NTRK1: variants seen among roughly 807,000 people sequenced by gnomAD.
The protein encoded by NTRK1 is high affinity nerve growth factor receptor.
Under a neutral mutation model 86.8 loss-of-function variants are expected in NTRK1, and 62 were observed. The ratio of observed to expected loss-of-function variants is 0.71; its 90% CI spans 0.58 to 0.88. The LOEUF (loss-of-function observed/expected upper bound fraction) is 0.88, where lower values mean the gene tolerates loss of function less well. NTRK1 is among the 40% of genes least tolerant of loss of function. NTRK1 has a pLI of 0.00. For missense variants in NTRK1, 967 were observed against 1,078.4 expected, an observed-to-expected ratio of 0.90 and a Z score of 1.45; for synonymous variants, 469 against 456.6, an observed-to-expected ratio of 1.03 and a Z score of -0.35.
rs780463953 is a variant in NTRK1 at position 156,844,690 on chromosome 1, GT to G, written c.50+2498del. The G allele has an allele frequency of 3.7e-6, 6 of 1,613,978 alleles. No individual in the cohort carries two copies. The African/African-American group carries it at 8.0e-5, about 22-fold the overall frequency. On this transcript the variant is annotated intron_variant, in intron 2 of 16. Coordinates refer to the NTRK1 transcript ENST00000392302. Reference sequence around the variant, plus strand: ...GGCACAAAACGGGGCTGGGACGGGGGTCCCACGGGCACCTACCTCTCCCAAG... The same window carrying G: ...GGCACAAAACGGGGCTGGGACGGGGGCCCACGGGCACCTACCTCTCCCAAG...
chr1:156,864,413 G>A lies in NTRK1; in HGVS notation c.272G>A (p.Gly91Glu), dbSNP rs1655828420. 1 of 1,614,120 alleles carries A rather than the reference G, an allele frequency of 6.2e-7. No individual in the cohort carries two copies. The highest frequency in any genetic ancestry group is 8.5e-7 in the Non-Finnish European group (1 of 1,180,010). ...GAGCTCCGTGATCTGAGGGGCCTGG[G>A]GGAGCTGAGAAACCTGTGAGGGAAA... is the stretch of plus-strand genomic sequence containing the variant. ...HLELRDLRGL[G>E]ELRNLTIVKS... The change falls in exon 2 of 17, where the codon GGG becomes GAG. Residue 91 changes from glycine to glutamate, a missense_variant. Gly to Glu is a moderately conservative substitution (Grantham distance 98). Around this residue, in one of 2 missense-constraint regions of NTRK1, gnomAD observed 330 missense variants for 302.0 expected, o/e 1.09. Transcript: ENST00000524377.
chr1:156,865,982 A>T (rs1175447632), intron 3 of NTRK1, among the ~76,000 whole-genome samples: 2 of 152,234 alleles, frequency 1.3e-5, no homozygotes, highest in Non-Finnish European at 2.9e-5. Flanking sequence ...TATGTCAATG[A>T]ATCTTCACAA....
At chr1:156,868,706 A>G (rs1405407088) in intron 6 of NTRK1, 59 bp downstream of exon 6, 3 of 1,541,914 alleles carry the variant, frequency 1.9e-6, no homozygotes, top group Non-Finnish European at 2.6e-6. Flanking sequence ...GGGGACAAAG[A>G]TGGGGAAAGA....
At chr1:156,846,833 C>T in intron 2 of NTRK1, 1 of 1,185,630 alleles carries the variant, frequency 8.4e-7, no homozygotes, top group Non-Finnish European at 1.2e-6. Flanking sequence ...CTGAATCACC[C>T]CAGGACTGTC....
intron 2 of NTRK1, chr1:156,851,533 G>C (rs1161984181): frequency 4.4e-6 from 7 of 1,600,092 alleles, no homozygotes; most frequent in Non-Finnish European, 6.0e-6. Flanking sequence ...GGGCCCTCAG[G>C]ACTGGGACCC....
At chr1:156,865,674 G>A (rs1655897113) in intron 3 of NTRK1, among the ~76,000 whole-genome samples, 1 of 152,164 alleles carries the variant, frequency 6.6e-6, no homozygotes, top group South Asian at 2.1e-4. Flanking sequence ...TGTGGCCTGG[G>A]AATTGGGGAC....
intron 1 of NTRK1, among the ~76,000 whole-genome samples, chr1:156,835,043 T>C (rs1654563439): frequency 6.6e-6 from 1 of 152,154 alleles, no homozygotes; most frequent in African/African-American, 2.4e-5. Context: ...TGAGCCACTA[T>C]AGGCAGAGGC....
In NTRK1 at chr1:156,874,973, AC is replaced by A; in HGVS notation, c.1320del (p.Asn440LysfsTer30). 6.2e-7 allele frequency: 1 copy of A among 1,613,946 alleles called. No homozygotes were observed. The highest frequency in any genetic ancestry group is 8.5e-7 in the Non-Finnish European group (1 of 1,179,938). On this transcript the variant is annotated frameshift_variant, in exon 11 of 17. Transcript: ENST00000524377. LOFTEE classifies it high-confidence loss of function. ...CTTTCTACGCTGCTCCTTGTGCTCA[AC>A]AAATGTGGACGGAGAAACAAGTTTG... Reference protein sequence around the residue: ...LFLSTLLLVLNKCGRRNKFGI... With the variant: ...LFLSTLLLVLXKCGRRNKFGI...
chr1:156,863,438 G>A (rs1308496655), intron 1 of NTRK1, among the ~76,000 whole-genome samples: 1 of 151,876 alleles, frequency 6.6e-6, no homozygotes, highest in Non-Finnish European at 1.5e-5. Context: ...CTCTTGCTGT[G>A]TAAGTCAGCC....
At chr1:156,846,434 C>A in intron 2 of NTRK1, 1 of 1,128,454 alleles carries the variant, frequency 8.9e-7, no homozygotes, top group East Asian at 2.5e-5. Context: ...TTCAGTGCCC[C>A]GGCTTCTCTA....
chr1:156,867,856 G>A (rs1431274280), intron 4 of NTRK1, among the ~76,000 whole-genome samples: 1 of 149,366 alleles, frequency 6.7e-6, no homozygotes, highest in Non-Finnish European at 1.5e-5. Context: ...TGCATTTTTA[G>A]TAGAGACGGG....
At chr1:156,853,614 T>C in intron 2 of NTRK1, 1 of 905,226 alleles carries the variant, frequency 1.1e-6, no homozygotes, top group Non-Finnish European at 1.7e-6. Flanking sequence ...TTAGTTTCCT[T>C]ACCTGCCTCA....
intron 1 of NTRK1, among the ~76,000 whole-genome samples, chr1:156,839,003 G>A (rs1654670532): frequency 6.6e-6 from 1 of 152,238 alleles, no homozygotes; most frequent in Non-Finnish European, 1.5e-5. Context: ...CAGAGACCCA[G>A]CAACAGAAGG....
intron 1 of NTRK1, among the ~76,000 whole-genome samples, chr1:156,833,213 T>C (rs773625291): frequency 3.8e-4 from 58 of 152,262 alleles, no homozygotes; most frequent in Non-Finnish European, 7.6e-4. Flanking sequence ...TTTCCTCATC[T>C]GTAAAATGTC....
chr1:156,874,434 T>C (rs1647766299), intron 9 of NTRK1, 34 bp downstream of exon 9: 2 of 1,614,026 alleles, frequency 1.2e-6, no homozygotes, highest in Admixed American at 1.7e-5. Context: ...AGGTTCTGCC[T>C]GGTCTCTGGA....
chr1:156,817,047 T>TCTCTCTCTCTCTCTCTCTC (rs1654008835), intron 1 of NTRK1, among the ~76,000 whole-genome samples: 18 of 113,858 alleles, frequency 1.6e-4, no homozygotes, highest in South Asian at 3.2e-4. Context: ...GAACTTCCCT[T>TCTCTCTCTCTCTCTCTCTC]TCTCTCTCTC....
At chr1:156,878,808 A>G (rs1571702137) in intron 14 of NTRK1, among the ~76,000 whole-genome samples, 1 of 152,238 alleles carries the variant, frequency 6.6e-6, no homozygotes, top group South Asian at 2.1e-4. Context: ...TCCAATTGGC[A>G]AGGGCTGAGT....
At chr1:156,816,755 T>C in intron 1 of NTRK1, 1 of 1,538,778 alleles carries the variant, frequency 6.5e-7, no homozygotes, top group Non-Finnish European at 8.8e-7. Context: ...GTGTATGTGT[T>C]CCGGAAAGGT....
At position 156,831,676 on chromosome 1, in the gene NTRK1, C is replaced by T. The variant is rs1215743748; in HGVS notation, c.-63-10405C>T. Among the ~76,000 whole-genome samples, 12 of 152,168 alleles carry T rather than the reference C, an allele frequency of 7.9e-5. No homozygotes were observed. In the East Asian group the frequency reaches 1.7e-3, roughly 22 times the overall value. ...GTGGTCTCAAGGATGCCAAGAGATA[C>T]CCTAGAGAACCCAAGGAGGCTCCAG... On this transcript the variant is annotated intron_variant, in intron 1 of 16. Transcript: ENST00000392302.
Sources: allele counts gnomAD v4.1 joint callset (sites outside exome capture counted in the v4.1 genomes callset), GRCh38; gene constraint gnomAD v4.1.1; regional missense constraint gnomAD v4.1.1; transcripts MANE v1.5; gene names NCBI Gene and HGNC (gene_info 2026-07-23, HGNC 2026-07-21).